PCDHGA6: variants seen among roughly 807,000 people sequenced by gnomAD.
The protein encoded by PCDHGA6 is protocadherin gamma subfamily A, 6.
PCDHGA6 carries 41 observed loss-of-function variants against 60.6 expected under a neutral mutation model. The observed-to-expected ratio is 0.68, with a 90% CI of 0.53 to 0.88. The LOEUF (loss-of-function observed/expected upper bound fraction) is 0.88, where lower values mean the gene tolerates loss of function less well. Ranked by LOEUF, PCDHGA6 falls within the 40% of genes least tolerant of loss-of-function variation. The probability of loss-of-function intolerance (pLI) is 0.00; values close to 1 mark genes in which losing one functional copy is unlikely to be tolerated. For missense variants in PCDHGA6, 1,312 were observed against 1,203.0 expected, an observed-to-expected ratio of 1.09 and a Z score of -1.34; for synonymous variants, 594 against 524.4, an observed-to-expected ratio of 1.13 and a Z score of -1.81.
At position 141,491,291 on chromosome 5, in the gene PCDHGA6, C is replaced by G; in HGVS notation, c.2425-3516C>G. On this transcript the variant is annotated intron_variant, in intron 1 of 3. Coordinates refer to ENST00000517434, the MANE Select transcript of PCDHGA6 (RefSeq NM_018919.3). The surrounding 1 kb of genome is among the most constrained non-coding windows in gnomAD (Gnocchi z 6.9). ...AAATCCAGTGACTTCCTCATACACCCTCCTGAGCGTTCAGACCTTACCCTT... is the reference window on the plus strand; with the variant it reads ...AAATCCAGTGACTTCCTCATACACCGTCCTGAGCGTTCAGACCTTACCCTT... 2 of 1,614,152 alleles carry G rather than the reference C, an allele frequency of 1.2e-6. No homozygotes were observed. The highest frequency in any genetic ancestry group is 1.7e-6 in the Non-Finnish European group (2 of 1,179,974).
chr5:141,491,332 C>T lies in PCDHGA6; in HGVS notation c.2425-3475C>T, dbSNP rs1013118722. 2 of 1,614,072 alleles carry T rather than the reference C, an allele frequency of 1.2e-6. No individual in the cohort carries two copies. The highest frequency in any genetic ancestry group is 2.7e-5 in the African/African-American group (2 of 74,944). On this transcript the variant is annotated intron_variant, in intron 1 of 3. Coordinates refer to ENST00000517434, the MANE Select transcript of PCDHGA6 (RefSeq NM_018919.3). This position sits in a 1 kb window ranked among gnomAD's most constrained non-coding sequence, Gnocchi z 6.9. ...CCTTACCCTTTACCTCATTGTGGCT[C>T]TAGCGACCGTCAGTCTCTTATCCCT...
At chr5:141,412,938 T>C (rs2095590973) in intron 1 of PCDHGA6, 3 of 461,786 alleles carry the variant, frequency 6.5e-6, no homozygotes, top group Admixed American at 7.7e-5. Context: ...TTCTTAGGAC[T>C]CTGAGCGCCG....
In PCDHGA6 at chr5:141,432,296, G is replaced by T; in HGVS notation, c.2424+55789G>T. On this transcript the variant is annotated intron_variant, in intron 1 of 3. Coordinates refer to ENST00000517434, the MANE Select transcript of PCDHGA6 (RefSeq NM_018919.3). This position sits in a 1 kb window ranked among gnomAD's most constrained non-coding sequence, Gnocchi z 6.0. ...CGTGTCCATCAACTCCGACACTGGG[G>T]TACTGTATGCGCTGAGCTCCTTCGA... 1 of 1,614,224 alleles carries T rather than the reference G, an allele frequency of 6.2e-7. No individual in the cohort carries two copies. Among genetic ancestry groups the T allele is most frequent in the Non-Finnish European group, 8.5e-7 (1 of 1,180,044 alleles).
At chr5:141,386,438 G>A (rs79313044) in intron 1 of PCDHGA6, among the ~76,000 whole-genome samples, 2,560 of 152,240 alleles carry the variant, frequency 0.017, 31 homozygotes, top group South Asian at 0.037. Context: ...CTGCATGGGA[G>A]GCTGAGGCAA....
chr5:141,456,446 T>C (rs1053843910), intron 1 of PCDHGA6, among the ~76,000 whole-genome samples: 2 of 151,782 alleles, frequency 1.3e-5, no homozygotes, highest in Admixed American at 1.3e-4. Context: ...GTATACAGAG[T>C]CCAAATATCA....
intron 1 of PCDHGA6, chr5:141,413,935 A>G: frequency 1.2e-6 from 2 of 1,613,372 alleles, no homozygotes; most frequent in Non-Finnish European, 1.7e-6. Flanking sequence ...ATACCGAGTG[A>G]GTGTTCCTGA....
In PCDHGA6 at chr5:141,431,183, A is replaced by G. The variant is rs1467232519; in HGVS notation, c.2424+54676A>G. Reference sequence around the variant, plus strand: ...TCGTGAAAGTGAATTAGAAATAAAAATTAGTGAAAATGCAGCCACTGAGAT... The same window carrying G: ...TCGTGAAAGTGAATTAGAAATAAAAGTTAGTGAAAATGCAGCCACTGAGAT... On this transcript the variant is annotated intron_variant, in intron 1 of 3. Transcript: ENST00000517434. The surrounding 1 kb of genome is among the most constrained non-coding windows in gnomAD (Gnocchi z 4.8). 1 of 1,614,218 alleles carries G rather than the reference A, an allele frequency of 6.2e-7. No individual in the cohort carries two copies. The highest frequency in any genetic ancestry group is 2.2e-5 in the East Asian group (1 of 44,880).
chr5:141,388,335 C>A (rs67622091), intron 1 of PCDHGA6: 89,774 of 1,613,756 alleles, frequency 0.056, 3,043 homozygotes, highest in African/African-American at 0.15. Context: ...GCCTGGCACA[C>A]GATTTATATT....
At position 141,476,760 on chromosome 5, in the gene PCDHGA6, C is replaced by A; in HGVS notation, c.2425-18047C>A. The A allele has an allele frequency of 6.2e-7, 1 of 1,613,824 alleles. No homozygotes were observed. Among genetic ancestry groups the A allele is most frequent in the Non-Finnish European group, 8.5e-7 (1 of 1,180,010 alleles). On this transcript the variant is annotated intron_variant, in intron 1 of 3. Coordinates refer to ENST00000517434, the MANE Select transcript of PCDHGA6 (RefSeq NM_018919.3). This position sits in a 1 kb window ranked among gnomAD's most constrained non-coding sequence, Gnocchi z 7.6. ...GAGCCTAGTCTCCAGTTAGTGCTGA[C>A]GGCGTTGGACGGAGGGACCCCAGCT...
chr5:141,443,781 CA>C (rs1227271563), intron 1 of PCDHGA6, among the ~76,000 whole-genome samples: 2 of 150,514 alleles, frequency 1.3e-5, no homozygotes, highest in African/African-American at 2.4e-5. Flanking sequence ...ACCAAAAAGA[CA>C]AAAAAAATGA....
chr5:141,413,122 G>A, intron 1 of PCDHGA6: 1 of 1,525,890 alleles, frequency 6.6e-7, no homozygotes. Flanking sequence ...GGAACCGGTT[G>A]AAACACACAA....
intron 1 of PCDHGA6, chr5:141,412,954 C>A (rs2095592297): frequency 2.1e-6 from 1 of 482,442 alleles, no homozygotes; most frequent in Non-Finnish European, 3.6e-6. Flanking sequence ...CGCCGCTGTT[C>A]ACCTACTAGG....
In PCDHGA6 at chr5:141,376,383, A is replaced by G; in HGVS notation, c.2300A>G (p.His767Arg). The change falls in exon 1 of 4, where the codon CAT becomes CGT. Residue 767 changes from histidine to arginine, a missense_variant. By Grantham distance (29) the His-to-Arg change is conservative (BLOSUM62 0). Transcript: ENST00000517434. The part of the protein sequence containing the change: ...VSLTADSRKS[H>R]LIFPQPNYAD... ...CTCACTGCAGACTCGCGTAAGAGTC[A>G]TCTGATTTTCCCCCAGCCCAACTAT... The G allele has an allele frequency of 5.0e-6, 8 of 1,614,228 alleles. No homozygotes were observed. Among genetic ancestry groups the G allele is most frequent in the Non-Finnish European group, 6.8e-6 (8 of 1,180,050 alleles).
intron 1 of PCDHGA6, chr5:141,478,843 C>G: frequency 7.2e-7 from 1 of 1,398,442 alleles, no homozygotes; most frequent in South Asian, 1.5e-5. Flanking sequence ...GATGGTTAAG[C>G]TAAAACACAA....
chr5:141,445,129 A>G (rs1405841381), intron 1 of PCDHGA6, among the ~76,000 whole-genome samples: 3 of 152,226 alleles, frequency 2.0e-5, no homozygotes, highest in Non-Finnish European at 4.4e-5. Context: ...TATTTTTAAA[A>G]TTGTATCTTC....
chr5:141,420,229 C>A (rs1206296211), intron 1 of PCDHGA6: 1 of 1,600,344 alleles, frequency 6.2e-7, no homozygotes, highest in South Asian at 1.1e-5. Flanking sequence ...TACTGGCTAG[C>A]ATTTTAACTC....
At chr5:141,383,544 T>A (rs1273578608) in intron 1 of PCDHGA6, 21 of 1,612,498 alleles carry the variant, frequency 1.3e-5, no homozygotes, top group Non-Finnish European at 1.8e-5. Context: ...TCACAGCCTC[T>A]GATGGCGGCG....
chr5:141,406,415 GC>G (rs2094806009), intron 1 of PCDHGA6, among the ~76,000 whole-genome samples: 1 of 152,164 alleles, frequency 6.6e-6, no homozygotes, highest in Non-Finnish European at 1.5e-5. Flanking sequence ...ACAGCTGAAA[GC>G]CCAGATTTAT....
intron 1 of PCDHGA6, chr5:141,383,728 G>C (rs1561598364): frequency 6.2e-7 from 1 of 1,613,878 alleles, no homozygotes; most frequent in African/African-American, 1.3e-5. Flanking sequence ...CAATGGGGAA[G>C]TGACATATTC....
Sources: allele counts gnomAD v4.1 joint callset (sites outside exome capture counted in the v4.1 genomes callset), GRCh38; gene constraint gnomAD v4.1.1; non-coding constraint Gnocchi (gnomAD v3.1); transcripts MANE v1.5; gene names NCBI Gene and HGNC (gene_info 2026-07-23, HGNC 2026-07-21).